The following CDKL1 variants were observed in gnomAD, a reference collection of about 807,000 sequenced individuals.
The protein encoded by CDKL1 is cyclin dependent kinase like 1, also known as cyclin-dependent kinase-like 1.
CDKL1 carries 41 observed loss-of-function variants against 42.0 expected under a neutral mutation model. That is an observed-to-expected ratio of 0.98 (90% CI 0.76 to 1.27). The LOEUF is 1.27. Ranked by LOEUF, CDKL1 falls within the 50% of genes most tolerant of loss-of-function variation. The pLI is 0.00. For missense variants in CDKL1, 394 were observed against 428.4 expected (o/e 0.92, Z 0.71); for synonymous variants, 153 against 158.6 (o/e 0.96, Z 0.26).
intron 4 of CDKL1, chr14:50,343,139 A>G (rs1055963714): frequency 1.3e-6 from 1 of 760,796 alleles, no homozygotes; most frequent in Non-Finnish European, 1.8e-6. Context: ...CAAATCAACA[A>G]CCTAATTAAG....
chr14:50,377,097 G>C (rs183035289), intron 2 of CDKL1, among the ~76,000 whole-genome samples: 1 of 152,292 alleles, frequency 6.6e-6, no homozygotes, highest in East Asian at 1.9e-4. Flanking sequence ...CGCCTCTTTT[G>C]TCTTGTTTCC....
At chr14:50,384,195 A>G (rs992697754) in intron 2 of CDKL1, among the ~76,000 whole-genome samples, 2 of 152,214 alleles carry the variant, frequency 1.3e-5, no homozygotes, top group African/African-American at 4.8e-5. Flanking sequence ...TACATTAGTA[A>G]TGAACATCAA....
chr14:50,380,071 G>C (rs1357480187), intron 2 of CDKL1: 1 of 489,334 alleles, frequency 2.0e-6, no homozygotes, highest in South Asian at 1.5e-5. Context: ...ATGCAAAATT[G>C]GCATAGGTAT....
At chr14:50,378,576 C>T in intron 2 of CDKL1, 1 of 622,436 alleles carries the variant, frequency 1.6e-6, no homozygotes, top group Non-Finnish European at 2.4e-6. Context: ...ATCTGTCATC[C>T]AGGCTGGAGT....
In CDKL1 at chr14:50,337,848, C is replaced by T. The variant is rs547023850; in HGVS notation, c.738+1099G>A. On this transcript the variant is annotated intron_variant, in intron 7 of 9. Transcript: ENST00000395834. ...GGTGCGTGCCACCATGCTAGGCCAA[C>T]TTTTTGTATTTTAGTAGAGACAGAG... Among the ~76,000 whole-genome samples the T allele has an allele frequency of 3.3e-5, 5 of 151,258 alleles. No homozygotes were observed. The East Asian group carries it at 5.9e-4, about 18-fold the overall frequency.
intron 2 of CDKL1, among the ~76,000 whole-genome samples, chr14:50,383,565 A>G (rs1211763215): frequency 1.7e-5 from 1 of 59,076 alleles, no homozygotes; most frequent in Admixed American, 1.6e-4. Flanking sequence ...AAAAAAAAAA[A>G]CAAACAACAA....
chr14:50,384,588 C>G (rs536138051), intron 2 of CDKL1, among the ~76,000 whole-genome samples: 2 of 146,108 alleles, frequency 1.4e-5, no homozygotes, highest in Admixed American at 1.4e-4. Flanking sequence ...AGAATACTGA[C>G]AGTGATGGTG....
chr14:50,358,877 T>G, intron 3 of CDKL1, 151 bp downstream of exon 3: 1 of 598,098 alleles, frequency 1.7e-6, no homozygotes, highest in East Asian at 3.1e-5. Flanking sequence ...TGACCTCAGA[T>G]GATCCACCCG....
rs2032786509 is a variant in CDKL1, at chr14:50,328,354, A to G, written c.*1720T>C. On this transcript the variant is annotated 3_prime_UTR_variant, in exon 10 of 10. Coordinates refer to ENST00000395834, the MANE Select transcript of CDKL1 (RefSeq NM_004196.7). The stretch of plus-strand genomic sequence containing the variant: ...ATATCAGGTCTAGGCAAGAAAAGAC[A>G]TACATTAGGAAGCCTTAGGATATCA... The G allele has an allele frequency of 6.6e-6, 1 of 152,190 alleles. No homozygotes were observed. Among genetic ancestry groups the G allele is most frequent in the Non-Finnish European group, 1.5e-5 (1 of 68,032 alleles). The allele number at this position is 152,190 out of a possible 1,614,324, so 9.4% of individuals were successfully genotyped here.
intron 8 of CDKL1, chr14:50,333,960 A>G (rs1405211818): frequency 6.6e-6 from 1 of 151,668 alleles, no homozygotes; most frequent in Non-Finnish European, 1.5e-5. Context: ...AGCTATTTAA[A>G]AGGATCCTGC....
At chr14:50,390,778 C>T (rs1335592656) in intron 2 of CDKL1, among the ~76,000 whole-genome samples, 1 of 152,248 alleles carries the variant, frequency 6.6e-6, no homozygotes, top group Non-Finnish European at 1.5e-5. Flanking sequence ...ATGCAGACCA[C>T]TGCCCACTTT....
chr14:50,383,509 T>C (rs563802503), intron 2 of CDKL1, among the ~76,000 whole-genome samples: 2 of 150,238 alleles, frequency 1.3e-5, no homozygotes, highest in African/African-American at 4.9e-5. Context: ...GCTGAGATTG[T>C]GCCACTACAC....
At chr14:50,338,835 C>T in intron 7 of CDKL1, 112 bp downstream of exon 7, 1 of 741,498 alleles carries the variant, frequency 1.3e-6, no homozygotes, top group Non-Finnish European at 2.5e-6. Flanking sequence ...TTTTCTTTTT[C>T]TCTGTTAGAC....
intron 2 of CDKL1, among the ~76,000 whole-genome samples, chr14:50,379,551 G>C (rs115455475): frequency 5.9e-4 from 90 of 152,206 alleles, no homozygotes; most frequent in African/African-American, 2.1e-3. Context: ...ACAGTGGCAA[G>C]GTACATAAAA....
At position 50,382,930 on chromosome 14, in the gene CDKL1, G is replaced by T. The variant is rs373980573; in HGVS notation, c.168+12771C>A. Among the ~76,000 whole-genome samples, 49 of 140,964 alleles carry T rather than the reference G, an allele frequency of 3.5e-4. 1 individual carries two copies. The highest frequency in any genetic ancestry group is 1.3e-3 in the Admixed American group (19 of 14,326). The allele number at this position is 140,964 out of a possible 152,430, so 92.5% of individuals were successfully genotyped here. A position where few individuals can be genotyped will look rare whatever the true frequency, so the allele number is the denominator to read the frequency against. ...CTTTTAGTGTGGTTTACAGTTTTTT[G>T]TTTTTTTTTTTTTTTGAGACGGAGT... On this transcript the variant is annotated intron_variant, in intron 2 of 9. Coordinates refer to ENST00000395834, the MANE Select transcript of CDKL1 (RefSeq NM_004196.7).
chr14:50,348,518 C>T (rs543728936), intron 3 of CDKL1, among the ~76,000 whole-genome samples: 1 of 152,300 alleles, frequency 6.6e-6, no homozygotes, highest in South Asian at 2.1e-4. Context: ...GATTCCCCAC[C>T]CCTCTTCCCT....
chr14:50,342,291 A>T, intron 4 of CDKL1, 69 bp from the exon 5 acceptor site: 14 of 1,520,116 alleles, frequency 9.2e-6, no homozygotes, highest in Non-Finnish European at 1.2e-5. Context: ...GAAACACATG[A>T]CTATTTAGCA....
chr14:50,361,670 G>A (rs1174476310), intron 2 of CDKL1, among the ~76,000 whole-genome samples: 2 of 152,204 alleles, frequency 1.3e-5, no homozygotes, highest in Admixed American at 6.5e-5. Flanking sequence ...GCCTCCCAGC[G>A]GCCACACCTC....
chr14:50,326,496 T>TG lies in CDKL1; in HGVS notation c.*3577dup, dbSNP rs1324679168. On this transcript the variant is annotated 3_prime_UTR_variant, in exon 10 of 10. Coordinates refer to ENST00000395834, the MANE Select transcript of CDKL1 (RefSeq NM_004196.7). ...ATTATGCAAAGTGGTCAGTGGTTGT[T>TG]GAAGCATGCATTGCTTCAACAGGAT... 1 of 985,310 alleles carries TG rather than the reference T, an allele frequency of 1.0e-6. No individual in the cohort carries two copies. Among genetic ancestry groups the TG allele is most frequent in the East Asian group, 1.1e-4 (1 of 8,834 alleles). 61.0% of individuals were successfully genotyped at this position (985,310 alleles called of 1,614,324 possible). A position where few individuals can be genotyped will look rare whatever the true frequency, so the allele number is the denominator to read the frequency against.
Sources: gnomAD v4.1 joint callset for allele counts (sites outside exome capture counted in the v4.1 genomes callset) on GRCh38, gnomAD v4.1.1 for gene constraint, MANE v1.5 for transcripts, NCBI Gene and HGNC (gene_info 2026-07-23, HGNC 2026-07-21) for gene names.